RHOBTB1: variants seen among roughly 807,000 people sequenced by gnomAD.
RHOBTB1 encodes the protein rho-related BTB domain-containing protein 1.
A neutral mutation model predicts 71.6 loss-of-function variants in RHOBTB1; 40 were observed. The observed-to-expected ratio is 0.56, with a 90% confidence interval of 0.43 to 0.73. The LOEUF (loss-of-function observed/expected upper bound fraction) is 0.73. Ranked by LOEUF, RHOBTB1 falls within the 30% of genes least tolerant of loss-of-function variation. RHOBTB1 has a pLI of 0.00. For missense variants in RHOBTB1, 797 were observed against 894.0 expected (o/e 0.89, Z 1.38); for synonymous variants, 319 against 334.9 (o/e 0.95, Z 0.52).
intron 2 of RHOBTB1, among the ~76,000 whole-genome samples, chr10:60,980,772 T>C (rs1416536116): frequency 6.6e-6 from 1 of 152,114 alleles, no homozygotes; most frequent in African/African-American, 2.4e-5. Context: ...GCAGTAGAAA[T>C]GATTAGGTTA....
At chr10:60,873,818 C>G (rs1440057630) in intron 9 of RHOBTB1, among the ~76,000 whole-genome samples, 2 of 152,228 alleles carry the variant, frequency 1.3e-5, no homozygotes, top group African/African-American at 4.8e-5. Context: ...TGTCTGTTTC[C>G]CTTACTTGCC....
intron 2 of RHOBTB1, among the ~76,000 whole-genome samples, chr10:60,982,993 A>T (rs2086553134): frequency 6.6e-6 from 1 of 152,170 alleles, no homozygotes; most frequent in African/African-American, 2.4e-5. Flanking sequence ...TTTAATCGAC[A>T]GATTAATTCC....
intron 2 of RHOBTB1, among the ~76,000 whole-genome samples, chr10:60,956,308 G>A (rs185157728): frequency 1.3e-5 from 2 of 152,288 alleles, no homozygotes; most frequent in African/African-American, 4.8e-5. Flanking sequence ...ACTAGGAATG[G>A]AACATGCAGG....
intron 2 of RHOBTB1, among the ~76,000 whole-genome samples, chr10:60,981,079 A>G (rs1370572546): frequency 6.6e-6 from 1 of 152,146 alleles, no homozygotes; most frequent in Non-Finnish European, 1.5e-5. Flanking sequence ...TCTATGTTTG[A>G]TATGTAAGTT....
Position 60,888,827 on chromosome 10 carries a change from G to A in RHOBTB1, c.841C>T (p.His281Tyr). 2 of 1,614,202 alleles carry A rather than the reference G, an allele frequency of 1.2e-6. No homozygotes were observed. Among genetic ancestry groups the A allele is most frequent in the Non-Finnish European group, 1.7e-6 (2 of 1,180,038 alleles). ...GAAGAGGTAGCGAGGTAAATTCGATGTGCAAAGATGTGTTCCTGGTCCTGA... is the reference window on the plus strand; with the variant it reads ...GAAGAGGTAGCGAGGTAAATTCGATATGCAAAGATGTGTTCCTGGTCCTGA... ...ILQDQEHIFA[H>Y]RIYLATSSSK... is the part of the protein sequence containing the mutation. Residue 281 changes from histidine (H) to tyrosine (Y), a missense_variant, in exon 6 of 11, where the codon CAT (histidine) becomes TAT (tyrosine). Physicochemically the swap from His to Tyr is moderately conservative, Grantham distance 83. Transcript: ENST00000337910.
intron 2 of RHOBTB1, among the ~76,000 whole-genome samples, chr10:60,974,309 C>T (rs1365163395): frequency 6.6e-5 from 10 of 151,986 alleles, no homozygotes. Flanking sequence ...TGACTAATTA[C>T]ATACTCTGAC....
chr10:60,970,241 G>A (rs560238126), intron 2 of RHOBTB1, among the ~76,000 whole-genome samples: 1 of 151,930 alleles, frequency 6.6e-6, no homozygotes. Flanking sequence ...TTCCAATTTT[G>A]CTTATTATAT....
chr10:60,899,672 A>G (rs572617233), intron 4 of RHOBTB1, among the ~76,000 whole-genome samples: 1 of 152,348 alleles, frequency 6.6e-6, no homozygotes, highest in Non-Finnish European at 1.5e-5. Context: ...AGAAATAGTA[A>G]TTGAGAACCT....
chr10:60,862,038 G>A, the RHOBTB1 span, among the ~76,000 whole-genome samples: 1 of 151,924 alleles, frequency 6.6e-6, no homozygotes, highest in East Asian at 1.9e-4. Flanking sequence ...TTCTACATGG[G>A]CTCTAAGCAA....
At chr10:60,994,297 G>C (rs375477490) in intron 1 of RHOBTB1, among the ~76,000 whole-genome samples, 41 of 152,196 alleles carry the variant, frequency 2.7e-4, no homozygotes, top group Admixed American at 1.6e-3. Flanking sequence ...TAATCAAATG[G>C]TAGTATACTA....
intron 2 of RHOBTB1, among the ~76,000 whole-genome samples, chr10:60,961,965 G>A (rs899683899): frequency 1.8e-4 from 27 of 151,894 alleles, no homozygotes; most frequent in East Asian, 7.8e-4. Context: ...GCACTACCAC[G>A]CCTGGATAAT....
At position 60,871,341 on chromosome 10, in the gene RHOBTB1, G is replaced by A. The variant is rs2132147163; in HGVS notation, c.*141C>T. On this transcript the variant is annotated 3_prime_UTR_variant, in exon 11 of 11. Coordinates refer to ENST00000337910, the MANE Select transcript of RHOBTB1 (RefSeq NM_014836.5). ...TGCTTTGATCCTAACAAAGATAAAT[G>A]CACAAAAGTGGAGGAAGATCAGTGC... is the stretch of plus-strand genomic sequence containing the variant. The A allele has an allele frequency of 2.6e-6, 2 of 758,058 alleles. No individual in the cohort carries two copies. The highest frequency in any genetic ancestry group is 4.0e-5 in the South Asian group (2 of 49,506). The allele number at this position is 758,058 out of a possible 1,614,324, so 47.0% of individuals were successfully genotyped here. A position where few individuals can be genotyped will look rare whatever the true frequency, so the allele number is the denominator to read the frequency against.
At chr10:60,912,066 G>C (rs2083004402) in intron 2 of RHOBTB1, among the ~76,000 whole-genome samples, 1 of 152,146 alleles carries the variant, frequency 6.6e-6, no homozygotes, top group Non-Finnish European at 1.5e-5. Context: ...TGGGGACTTA[G>C]AGAATAATCA....
rs2080715446 is a variant in RHOBTB1 at position 60,870,235 on chromosome 10, A to G, written c.*1247T>C. ...CTGCTGTCACACTTCCTAGTTTAAC[A>G]CTGAAAACTCAGAATGAGAAAGAGT... On this transcript the variant is annotated 3_prime_UTR_variant, in exon 11 of 11. Coordinates refer to ENST00000337910, the MANE Select transcript of RHOBTB1 (RefSeq NM_014836.5). The G allele has an allele frequency of 6.6e-6, 1 of 152,118 alleles. No homozygotes were observed. The highest frequency in any genetic ancestry group is 1.5e-5 in the Non-Finnish European group (1 of 68,014). The allele number at this position is 152,118 out of a possible 1,614,324, so 9.4% of individuals were successfully genotyped here.
At chr10:60,975,721 T>A (rs972992146) in intron 2 of RHOBTB1, among the ~76,000 whole-genome samples, 2 of 152,060 alleles carry the variant, frequency 1.3e-5, no homozygotes, top group African/African-American at 4.8e-5. Context: ...GTTTTTCAGT[T>A]TTTCCATATA....
chr10:60,995,262 G>C (rs2087009421), intron 1 of RHOBTB1, among the ~76,000 whole-genome samples: 1 of 152,136 alleles, frequency 6.6e-6, no homozygotes, highest in South Asian at 2.1e-4. Flanking sequence ...TGAGGACTCA[G>C]TGCACATACC....
chr10:60,931,653 C>T (rs745328392), intron 2 of RHOBTB1, among the ~76,000 whole-genome samples: 3 of 151,916 alleles, frequency 2.0e-5, no homozygotes, highest in Admixed American at 6.6e-5. Context: ...TTATACAACC[C>T]AATAATAATA....
At chr10:60,927,473 G>A (rs1288525134) in intron 2 of RHOBTB1, among the ~76,000 whole-genome samples, 2 of 152,080 alleles carry the variant, frequency 1.3e-5, no homozygotes, top group Non-Finnish European at 2.9e-5. Flanking sequence ...ATACTACAAA[G>A]CTATAGTAAC....
intron 4 of RHOBTB1, among the ~76,000 whole-genome samples, chr10:60,909,318 C>CT (rs925521834): frequency 1.1e-4 from 16 of 151,478 alleles, no homozygotes; most frequent in African/African-American, 2.7e-4. Context: ...GTTGTTTTCT[C>CT]TTTTTTTTTC....
Sources: gnomAD v4.1 joint callset for allele counts (sites outside exome capture counted in the v4.1 genomes callset) on GRCh38, gnomAD v4.1.1 for gene constraint, MANE v1.5 for transcripts, NCBI Gene and HGNC (gene_info 2026-07-23, HGNC 2026-07-21) for gene names.